SEMA6D: variants seen among roughly 807,000 people sequenced by gnomAD.
The protein encoded by SEMA6D is semaphorin 6D, also known as semaphorin-6D.
A neutral mutation model predicts 106.6 loss-of-function variants in SEMA6D; 35 were observed. The ratio of observed to expected loss-of-function variants is 0.33; its 90% CI spans 0.25 to 0.44. SEMA6D has a LOEUF of 0.44. Among genes scored for constraint, SEMA6D ranks in the 20% least tolerant of loss-of-function variants. SEMA6D has a pLI of 1.00. For synonymous variants in SEMA6D, 499 were observed against 487.7 expected (o/e 1.02, Z -0.31); for missense variants, 1,185 against 1,345.9 (o/e 0.88, Z 1.87).
At chr15:47,583,725 T>A (rs2076290587) in intron 3 of SEMA6D, among the ~76,000 whole-genome samples, 1 of 152,140 alleles carries the variant, frequency 6.6e-6, no homozygotes, top group South Asian at 2.1e-4. Context: ...GGAATGTGTA[T>A]TCCAGGACAT....
chr15:47,443,620 G>T (rs2041944782), intron 2 of SEMA6D, among the ~76,000 whole-genome samples: 1 of 152,090 alleles, frequency 6.6e-6, no homozygotes. Context: ...AACCATGGGA[G>T]ATAACAAAAT....
At chr15:47,694,299 G>A (rs1237505518) in intron 4 of SEMA6D, among the ~76,000 whole-genome samples, 2 of 151,928 alleles carry the variant, frequency 1.3e-5, no homozygotes, top group East Asian at 3.9e-4. Flanking sequence ...AAAATTATGG[G>A]ACCTTCCCAC....
intron 3 of SEMA6D, among the ~76,000 whole-genome samples, chr15:47,563,624 T>C (rs1464856640): frequency 3.3e-5 from 5 of 152,226 alleles, no homozygotes; most frequent in African/African-American, 1.2e-4. Flanking sequence ...CATTCTCTTC[T>C]CTGTATTATA....
chr15:47,682,386 G>C (rs542420210), intron 4 of SEMA6D, among the ~76,000 whole-genome samples: 5 of 152,126 alleles, frequency 3.3e-5, no homozygotes, highest in Admixed American at 6.5e-5. Context: ...CCAGGGTGGT[G>C]TCGATCTCCT....
chr15:47,770,725 T>C lies in SEMA6D; in HGVS notation c.2162T>C (p.Phe721Ser), dbSNP rs2082584724. The stretch of plus-strand genomic sequence containing the variant: ...AGTTTTGCCAAACTGAATGGTCTCT[T>C]TGACAGCCCTGTCAAGGAATACCAA... ...SGSFAKLNGL[F>S]DSPVKEYQQN... Residue 721 changes from phenylalanine to serine, a missense_variant, in exon 19 of 19, where the codon TTT (phenylalanine) becomes TCT (serine). By Grantham distance (155) the Phe-to-Ser change is radical. This residue lies in a region of SEMA6D where 750 missense variants were observed against 783.5 expected (regional missense o/e 0.96). Transcript: ENST00000536845. 1 of 1,614,016 alleles carries C rather than the reference T, an allele frequency of 6.2e-7. No individual in the cohort carries two copies. Among genetic ancestry groups the C allele is most frequent in the Non-Finnish European group, 8.5e-7 (1 of 1,180,004 alleles).
At chr15:47,668,345 A>G (rs1047575533) in intron 4 of SEMA6D, among the ~76,000 whole-genome samples, 1 of 152,232 alleles carries the variant, frequency 6.6e-6, no homozygotes, top group African/African-American at 2.4e-5. Flanking sequence ...GACAAAAAAC[A>G]GTCTGACCTA....
chr15:47,564,280 G>A (rs1033698166), intron 3 of SEMA6D, among the ~76,000 whole-genome samples: 1 of 152,236 alleles, frequency 6.6e-6, no homozygotes, highest in African/African-American at 2.4e-5. Context: ...CAGTAATGAG[G>A]AAAGTGGTGG....
At chr15:47,663,403 T>G (rs1219251495) in intron 4 of SEMA6D, among the ~76,000 whole-genome samples, 2 of 152,248 alleles carry the variant, frequency 1.3e-5, no homozygotes, top group South Asian at 4.1e-4. Context: ...CAAATTACCT[T>G]ATTTCCTGAT....
Position 47,333,500 on chromosome 15 carries a change from T to G in SEMA6D, c.-238-78893T>G, listed in dbSNP as rs376449366. Among the ~76,000 whole-genome samples, 11 of 152,218 alleles carry G rather than the reference T, an allele frequency of 7.2e-5. No individual in the cohort carries two copies. In the East Asian group the frequency reaches 2.1e-3, roughly 29 times the overall value. On this transcript the variant is annotated intron_variant, in intron 1 of 19. Coordinates refer to the SEMA6D transcript ENST00000558014. Reference sequence around the variant, plus strand: ...TTTTGTAAGGGCTTATTTGAGTATCTAGATGACAATAATGTCATTAGTCCC... The same window carrying G: ...TTTTGTAAGGGCTTATTTGAGTATCGAGATGACAATAATGTCATTAGTCCC...
At chr15:47,548,926 A>G (rs1319231049) in intron 3 of SEMA6D, among the ~76,000 whole-genome samples, 1 of 152,098 alleles carries the variant, frequency 6.6e-6, no homozygotes, top group African/African-American at 2.4e-5. Flanking sequence ...ATATAATATC[A>G]GTATTATCAT....
At chr15:47,683,073 T>G (rs143610789) in intron 4 of SEMA6D, among the ~76,000 whole-genome samples, 65 of 152,330 alleles carry the variant, frequency 4.3e-4, no homozygotes, top group African/African-American at 1.5e-3. Context: ...TTTATATTTT[T>G]TATAGATTTG....
Position 47,558,957 on chromosome 15 carries a change from C to T in SEMA6D, c.-86-41908C>T, listed in dbSNP as rs866153215. Among the ~76,000 whole-genome samples, 15 of 151,906 alleles carry T rather than the reference C, an allele frequency of 9.9e-5. 1 individual carries two copies. In the South Asian group the frequency reaches 1.5e-3, roughly 15 times the overall value. ...GATTTTGAGCAGAGTCTTGGAGCAG[C>T]GATGGGTTTGAAAGGGAAAAGATAC... is the stretch of plus-strand genomic sequence containing the variant. On this transcript the variant is annotated intron_variant, in intron 3 of 19. Coordinates refer to the SEMA6D transcript ENST00000558014.
At chr15:47,365,809 C>T (rs749116928) in intron 1 of SEMA6D, among the ~76,000 whole-genome samples, 26 of 149,424 alleles carry the variant, frequency 1.7e-4, no homozygotes, top group Non-Finnish European at 2.5e-4. Flanking sequence ...TGCAGTGAGC[C>T]GAGATCACGC....
chr15:47,756,896 ATTT>A (rs71719777), intron 1 of SEMA6D, among the ~76,000 whole-genome samples: 27,660 of 133,532 alleles, frequency 0.21, 3,093 homozygotes, highest in Non-Finnish European at 0.26. Flanking sequence ...TCTGAATGTA[ATTT>A]TTTTTTTTTT....
chr15:47,699,481 C>T (rs1165022461), intron 4 of SEMA6D, among the ~76,000 whole-genome samples: 1 of 152,188 alleles, frequency 6.6e-6, no homozygotes, highest in African/African-American at 2.4e-5. Flanking sequence ...ATTTTCACCA[C>T]ATCAAATCAC....
intron 3 of SEMA6D, among the ~76,000 whole-genome samples, chr15:47,561,380 G>C (rs1364824095): frequency 6.6e-6 from 1 of 151,920 alleles, no homozygotes; most frequent in African/African-American, 2.4e-5. Context: ...TCTATATCCA[G>C]CAAAACCATC....
At chr15:47,679,749 A>C (rs2078313434) in intron 4 of SEMA6D, among the ~76,000 whole-genome samples, 1 of 152,226 alleles carries the variant, frequency 6.6e-6, no homozygotes, top group African/African-American at 2.4e-5. Context: ...AATAAGCACA[A>C]TGCCCATCAG....
chr15:47,291,204 A>G (rs1179890368), intron 1 of SEMA6D, among the ~76,000 whole-genome samples: 2 of 152,204 alleles, frequency 1.3e-5, no homozygotes, highest in East Asian at 1.9e-4. Flanking sequence ...GAATGATCCT[A>G]TTTGGAGTTC....
At chr15:47,765,390 A>G (rs2082283028) in intron 13 of SEMA6D, 2 of 1,107,012 alleles carry the variant, frequency 1.8e-6, no homozygotes, top group African/African-American at 1.6e-5. Context: ...ACACACACAC[A>G]CAAATATACA....
Sources: allele counts gnomAD v4.1 joint callset (sites outside exome capture counted in the v4.1 genomes callset), GRCh38; gene constraint gnomAD v4.1.1; regional missense constraint gnomAD v4.1.1; transcripts MANE v1.5; gene names NCBI Gene and HGNC (gene_info 2026-07-23, HGNC 2026-07-21).